Variants in ZMPSTE24 observed in about 807,000 individuals in gnomAD.
ZMPSTE24 encodes zinc metallopeptidase STE24.
Under a neutral mutation model 56.7 loss-of-function variants are expected in ZMPSTE24, and 48 were observed. The ratio of observed to expected loss-of-function variants is 0.85; its 90% confidence interval spans 0.67 to 1.08. The LOEUF (loss-of-function observed/expected upper bound fraction) is 1.08. Among genes scored for constraint, ZMPSTE24 ranks in the 50% least tolerant of loss-of-function variants. The pLI, the probability that ZMPSTE24 is intolerant of heterozygous loss-of-function variation, is 0.00. For missense variants in ZMPSTE24, 503 were observed against 548.7 expected (o/e 0.92, Z 0.83); for synonymous variants, 172 against 195.2 (o/e 0.88, Z 0.99).
chr1:40,270,718 C>G (rs1227017755), intron 5 of ZMPSTE24, among the ~76,000 whole-genome samples: 1 of 152,078 alleles, frequency 6.6e-6, no homozygotes, highest in East Asian at 1.9e-4. Flanking sequence ...TTCCTTTTCC[C>G]TCTCACTCTT....
In ZMPSTE24 at chr1:40,281,331, TCTTTTC is replaced by T; in HGVS notation, c.770-8_770-3del. ...TAATTATATTCCATGCTTTGAACTG[TCTTTTC>T]CTTAGGATCTAAACGCTCTTCCCAC... On this transcript the variant is annotated splice_region_variant and splice_polypyrimidine_tract_variant and intron_variant, in intron 6 of 9. Transcript: ENST00000372759. 1 of 1,613,830 alleles carries T rather than the reference TCTTTTC, an allele frequency of 6.2e-7. No individual in the cohort carries two copies. Among genetic ancestry groups the T allele is most frequent in the Non-Finnish European group, 8.5e-7 (1 of 1,179,810 alleles).
chr1:40,274,264 T>A (rs1193830687), intron 6 of ZMPSTE24, among the ~76,000 whole-genome samples: 1 of 152,222 alleles, frequency 6.6e-6, no homozygotes, highest in Non-Finnish European at 1.5e-5. Context: ...GTTTTAATTG[T>A]TGTTAACAAC....
At chr1:40,286,852 T>A (rs1444185271) in intron 8 of ZMPSTE24, among the ~76,000 whole-genome samples, 2 of 150,226 alleles carry the variant, frequency 1.3e-5, no homozygotes, top group Non-Finnish European at 3.0e-5. Flanking sequence ...CTCAGCCTCC[T>A]GAGTAGCTGG....
intron 7 of ZMPSTE24, among the ~76,000 whole-genome samples, chr1:40,282,999 G>C (rs1429577831): frequency 6.6e-6 from 1 of 152,190 alleles, no homozygotes; most frequent in Non-Finnish European, 1.5e-5. Context: ...CAAATGTAGA[G>C]AGTACCAGAA....
intron 2 of ZMPSTE24, chr1:40,262,984 GTAGACACTA>G: frequency 5.0e-6 from 5 of 1,001,194 alleles, no homozygotes; most frequent in Non-Finnish European, 4.8e-6. Context: ...ATTAGATGAG[GTAGACACTA>G]TTCTCTTTCT....
intron 6 of ZMPSTE24, among the ~76,000 whole-genome samples, chr1:40,273,516 T>TAAAAAAAA (rs1205861105): frequency 8.5e-4 from 9 of 10,584 alleles, no homozygotes; most frequent in South Asian, 4.9e-3. Flanking sequence ...AAATTCTGTC[T>TAAAAAAAA]AAAAAAAAAA....
intron 6 of ZMPSTE24, among the ~76,000 whole-genome samples, chr1:40,273,537 A>AAAAAAAGATATATATATAT (rs1224234676): frequency 8.1e-5 from 1 of 12,390 alleles, no homozygotes; most frequent in Non-Finnish European, 2.0e-4. Flanking sequence ...AAAAAAAAAA[A>AAAAAAAGATATATATATAT]ATATATATAT....
intron 6 of ZMPSTE24, among the ~76,000 whole-genome samples, chr1:40,273,970 G>A (rs1643644758): frequency 6.6e-6 from 1 of 152,040 alleles, no homozygotes; most frequent in African/African-American, 2.4e-5. Flanking sequence ...AAAATAGTCA[G>A]GGAAGGCTTT....
chr1:40,258,884 GT>G (rs1643467034), intron 1 of ZMPSTE24, among the ~76,000 whole-genome samples: 1 of 152,096 alleles, frequency 6.6e-6, no homozygotes. Context: ...CGGGCCCGGC[GT>G]GGTGTCTCAT....
chr1:40,279,091 T>G (rs1643701400), intron 6 of ZMPSTE24, among the ~76,000 whole-genome samples: 1 of 152,150 alleles, frequency 6.6e-6, no homozygotes, highest in African/African-American at 2.4e-5. Flanking sequence ...CAGTGAGCCA[T>G]GATTATGCCA....
intron 6 of ZMPSTE24, among the ~76,000 whole-genome samples, chr1:40,278,605 A>G (rs1026896107): frequency 6.7e-6 from 1 of 148,810 alleles, no homozygotes; most frequent in Non-Finnish European, 1.5e-5. Flanking sequence ...CGTGTAATCC[A>G]TCATCTAACC....
intron 5 of ZMPSTE24, among the ~76,000 whole-genome samples, chr1:40,271,010 G>A (rs1009410628): frequency 2.6e-5 from 4 of 152,204 alleles, no homozygotes; most frequent in African/African-American, 9.6e-5. Flanking sequence ...TCTGTTCAGT[G>A]CACCCAGAAA....
intron 8 of ZMPSTE24, among the ~76,000 whole-genome samples, chr1:40,287,031 C>A (rs1406133816): frequency 6.6e-6 from 1 of 151,646 alleles, no homozygotes; most frequent in Non-Finnish European, 1.5e-5. Context: ...CACTCCCGGC[C>A]TCTAGAATGC....
intron 6 of ZMPSTE24, among the ~76,000 whole-genome samples, chr1:40,278,490 G>A (rs184626943): frequency 5.6e-5 from 8 of 142,678 alleles, no homozygotes; most frequent in South Asian, 2.2e-4. Flanking sequence ...CCCGGGAGGC[G>A]GAGCTTGCAG....
intron 7 of ZMPSTE24, among the ~76,000 whole-genome samples, chr1:40,284,382 T>C (rs1330689055): frequency 6.6e-6 from 1 of 152,190 alleles, no homozygotes; most frequent in Non-Finnish European, 1.5e-5. Context: ...GTTGCTTTTT[T>C]TGTGGATCAG....
intron 1 of ZMPSTE24, 84 bp from the exon 2 acceptor site, chr1:40,260,755 C>T (rs1643488661): frequency 7.0e-7 from 1 of 1,436,626 alleles, no homozygotes; most frequent in East Asian, 2.3e-5. Flanking sequence ...AAGTGGCAAG[C>T]TATAAACCAT....
chr1:40,265,904 T>G (rs1018387258), intron 2 of ZMPSTE24, among the ~76,000 whole-genome samples: 1 of 152,120 alleles, frequency 6.6e-6, no homozygotes, highest in Non-Finnish European at 1.5e-5. Flanking sequence ...ACCAATCCAA[T>G]GTACTGGTAA....
At chr1:40,276,989 G>A (rs1043681147) in intron 6 of ZMPSTE24, among the ~76,000 whole-genome samples, 2 of 151,938 alleles carry the variant, frequency 1.3e-5, no homozygotes, top group African/African-American at 2.4e-5. Context: ...TGTCCTATAT[G>A]TAGTCTGTTG....
chr1:40,272,131 TG>T, intron 6 of ZMPSTE24, 96 bp downstream of exon 6: 1 of 1,361,374 alleles, frequency 7.3e-7, no homozygotes. Flanking sequence ...AATCAGTTTT[TG>T]TTTTTTTCTT....
Sources: gnomAD v4.1 joint callset for allele counts (sites outside exome capture counted in the v4.1 genomes callset) on GRCh38, gnomAD v4.1.1 for gene constraint, MANE v1.5 for transcripts, NCBI Gene and HGNC (gene_info 2026-07-23, HGNC 2026-07-21) for gene names.